Variants in SLC23A2 observed in about 807,000 individuals in gnomAD.
SLC23A2 encodes Na(+)/L-ascorbic acid transporter 2.
In SLC23A2, 36 loss-of-function variants were observed where a neutral mutation model predicts 73.3. That is an observed-to-expected ratio of 0.49 (90% CI 0.38 to 0.65). The LOEUF (loss-of-function observed/expected upper bound fraction) is 0.65. Among genes scored for constraint, SLC23A2 ranks in the 30% least tolerant of loss-of-function variants. SLC23A2 has a pLI of 0.00. For missense variants in SLC23A2, 507 were observed against 841.6 expected, an observed-to-expected ratio of 0.60 and a Z score of 4.92; for synonymous variants, 343 against 327.3, an observed-to-expected ratio of 1.05 and a Z score of -0.52.
At chr20:4,859,177 A>G in intron 16 of SLC23A2, 112 bp downstream of exon 16, 1 of 697,556 alleles carries the variant, frequency 1.4e-6, no homozygotes, top group African/African-American at 1.8e-5. Flanking sequence ...ATAACCAGTG[A>G]TGGCTTTGAA....
At chr20:4,918,626 C>T (rs1932403714) in intron 3 of SLC23A2, among the ~76,000 whole-genome samples, 1 of 152,022 alleles carries the variant, frequency 6.6e-6, no homozygotes, top group East Asian at 1.9e-4. Context: ...GTCAGTATCA[C>T]AGCAGTGCCA....
chr20:4,974,814 G>T (rs570084722), intron 1 of SLC23A2, among the ~76,000 whole-genome samples: 1 of 152,114 alleles, frequency 6.6e-6, no homozygotes, highest in Non-Finnish European at 1.5e-5. Flanking sequence ...TTGAGACGGA[G>T]TCTCGCTCTG....
intron 2 of SLC23A2, among the ~76,000 whole-genome samples, chr20:4,938,024 T>C (rs1336246394): frequency 2.0e-5 from 3 of 148,996 alleles, no homozygotes; most frequent in African/African-American, 7.6e-5. Flanking sequence ...CGTGTTCTCA[T>C]TCCATCTTTT....
Position 4,951,743 on chromosome 20 carries a change from C to T in SLC23A2, c.-154-19027G>A, listed in dbSNP as rs1239903516. On this transcript the variant is annotated intron_variant, in intron 2 of 16. Transcript: ENST00000338244. ...GTGAATAACAGTATACTAAAAACCA[C>T]TAAATTGTATATTTTAAGATGATGA... Among the ~76,000 whole-genome samples, 4 of 152,098 alleles carry T rather than the reference C, an allele frequency of 2.6e-5. No homozygotes were observed. The East Asian group carries it at 5.8e-4, about 22-fold the overall frequency.
In SLC23A2 at chr20:4,883,422, CT is replaced by C. The variant is rs748573420; in HGVS notation, c.824+219del. On this transcript the variant is annotated intron_variant, in intron 9 of 16. Coordinates refer to ENST00000338244, the MANE Select transcript of SLC23A2 (RefSeq NM_005116.6). The surrounding 1 kb of genome is among the most constrained non-coding windows in gnomAD (Gnocchi z 4.5). ...AGCTTAAAAACTTACAATCCACCCT[CT>C]TCATATTGCTGCTAAGTCTGTCTTT... Among the ~76,000 whole-genome samples the C allele has an allele frequency of 3.7e-4, 56 of 152,320 alleles. No individual in the cohort carries two copies. Among genetic ancestry groups the C allele is most frequent in the Admixed American group, 7.2e-4 (11 of 15,288 alleles).
At chr20:4,930,439 G>C (rs6052967) in intron 3 of SLC23A2, among the ~76,000 whole-genome samples, 1 of 152,154 alleles carries the variant, frequency 6.6e-6, no homozygotes, top group Non-Finnish European at 1.5e-5. Context: ...TGTAAAATTA[G>C]TTAAACAGCT....
chr20:4,870,527 A>G (rs1930404079), intron 11 of SLC23A2, among the ~76,000 whole-genome samples: 1 of 152,074 alleles, frequency 6.6e-6, no homozygotes, highest in Admixed American at 6.5e-5. Context: ...CAGTGAGCCA[A>G]GACTGCGCCA....
At position 4,856,745 on chromosome 20, in the gene SLC23A2, T is replaced by C. The variant is rs1313467052; in HGVS notation, c.*227A>G. The C allele has an allele frequency of 8.0e-6, 4 of 501,726 alleles. No homozygotes were observed. Among genetic ancestry groups the C allele is most frequent in the East Asian group, 3.3e-5 (1 of 29,938 alleles). 31.1% of individuals were successfully genotyped at this position (501,726 alleles called of 1,614,324 possible). A position where few individuals can be genotyped will look rare whatever the true frequency, so the allele number is the denominator to read the frequency against. ...CAAATTTAGTGACCATGGCCAGCAA[T>C]GGACACTCTCAAAGGGCAAGGAGTT... On this transcript the variant is annotated 3_prime_UTR_variant, in exon 17 of 17. Coordinates refer to ENST00000338244, the MANE Select transcript of SLC23A2 (RefSeq NM_005116.6). This position sits in a 1 kb window ranked among gnomAD's most constrained non-coding sequence, Gnocchi z 4.6.
intron 2 of SLC23A2, among the ~76,000 whole-genome samples, chr20:4,940,242 G>A (rs2087019245): frequency 6.6e-6 from 1 of 152,128 alleles, no homozygotes; most frequent in South Asian, 2.1e-4. Flanking sequence ...TTGAGCCTGG[G>A]AGGTAGAGTT....
At chr20:4,938,012 C>T (rs988255429) in intron 2 of SLC23A2, among the ~76,000 whole-genome samples, 1 of 151,532 alleles carries the variant, frequency 6.6e-6, no homozygotes, top group Admixed American at 6.6e-5. Context: ...AGCCACTTAA[C>T]TCGTGTTCTC....
chr20:4,988,022 T>C (rs956869171), intron 1 of SLC23A2, among the ~76,000 whole-genome samples: 2 of 141,926 alleles, frequency 1.4e-5, no homozygotes, highest in Non-Finnish European at 3.0e-5. Context: ...AAGTTGGCCA[T>C]GCGTGATGGT....
intron 10 of SLC23A2, 75 bp from the exon 11 acceptor site, chr20:4,874,167 G>A (rs911862252): frequency 2.7e-6 from 4 of 1,455,984 alleles, no homozygotes; most frequent in African/African-American, 2.8e-5. Context: ...TCTTCCCGCG[G>A]TCGGAATATC....
intron 9 of SLC23A2, among the ~76,000 whole-genome samples, chr20:4,880,271 T>C (rs73893855): frequency 0.02 from 3,054 of 152,284 alleles, 116 homozygotes; most frequent in African/African-American, 0.069. Flanking sequence ...ACTCATTGTC[T>C]AACCATCTGG....
intron 3 of SLC23A2, among the ~76,000 whole-genome samples, chr20:4,919,314 G>A (rs1272571058): frequency 6.6e-6 from 1 of 152,174 alleles, no homozygotes; most frequent in Non-Finnish European, 1.5e-5. Flanking sequence ...TGCAGGTGAT[G>A]CTGCTGGATG....
intron 6 of SLC23A2, among the ~76,000 whole-genome samples, chr20:4,893,133 T>A (rs1931393298): frequency 6.6e-6 from 1 of 151,912 alleles, no homozygotes; most frequent in Non-Finnish European, 1.5e-5. Context: ...GGCGTGATCA[T>A]GGCTCAGTGA....
chr20:5,001,170 C>CGGCA (rs986187936), intron 1 of SLC23A2, among the ~76,000 whole-genome samples: 2 of 150,484 alleles, frequency 1.3e-5, no homozygotes, highest in African/African-American at 2.4e-5. Flanking sequence ...GCCGGCAGAA[C>CGGCA]GGCAGGAGCT....
In SLC23A2 at chr20:4,853,911, A is replaced by G. The variant is rs1055916776; in HGVS notation, c.*3061T>C. ...CCTAATGAGAATGAAAATTGCTTAC[A>G]AAGACTAGAGTCACTTCCCATTATT... On this transcript the variant is annotated 3_prime_UTR_variant, in exon 17 of 17. Transcript: ENST00000338244. The G allele has an allele frequency of 6.6e-6, 1 of 152,264 alleles. No homozygotes were observed. Among genetic ancestry groups the G allele is most frequent in the African/African-American group, 2.4e-5 (1 of 41,474 alleles). The allele number at this position is 152,264 out of a possible 1,614,324, so 9.4% of individuals were successfully genotyped here. A position where few individuals can be genotyped will look rare whatever the true frequency, so the allele number is the denominator to read the frequency against.
intron 3 of SLC23A2, among the ~76,000 whole-genome samples, chr20:4,924,739 C>G (rs1932613590): frequency 6.6e-6 from 1 of 152,250 alleles, no homozygotes; most frequent in Non-Finnish European, 1.5e-5. Context: ...GGACTTTACT[C>G]AAAGGCCGCC....
chr20:4,932,623 C>T lies in SLC23A2; in HGVS notation c.-61G>A, dbSNP rs1379410379. 2.2e-6 allele frequency: 2 copies of T among 928,178 alleles called. No homozygotes were observed. The highest frequency in any genetic ancestry group is 3.6e-6 in the Non-Finnish European group (2 of 555,728). The allele number at this position is 928,178 out of a possible 1,614,324, so 57.5% of individuals were successfully genotyped here. A position where few individuals can be genotyped will look rare whatever the true frequency, so the allele number is the denominator to read the frequency against. On this transcript the variant is annotated 5_prime_UTR_variant, in exon 3 of 17. The change abolishes the stop of an existing upstream ORF in the 5' untranslated region. Coordinates refer to ENST00000338244, the MANE Select transcript of SLC23A2 (RefSeq NM_005116.6). ...GAGCAGCTGGAAGTGAAGGCTTATT[C>T]AAGCTAGGAGCCCAGGATCAGCCGG...
Sources: allele counts gnomAD v4.1 joint callset (sites outside exome capture counted in the v4.1 genomes callset), GRCh38; gene constraint gnomAD v4.1.1; non-coding constraint Gnocchi (gnomAD v3.1); transcripts MANE v1.5; gene names NCBI Gene and HGNC (gene_info 2026-07-23, HGNC 2026-07-21).